Variants in NFE2L3 observed in about 807,000 individuals in gnomAD.
The protein encoded by NFE2L3 is nuclear factor erythroid 2-related factor 3.
In NFE2L3, 18 loss-of-function variants were observed where a neutral mutation model predicts 23.5. The observed-to-expected ratio is 0.77, with a 90% CI of 0.53 to 1.13. The LOEUF is 1.13. NFE2L3 is among the 50% of genes most tolerant of loss of function. NFE2L3 has a pLI of 0.00. For synonymous variants in NFE2L3, 424 were observed against 354.5 expected, an observed-to-expected ratio of 1.20 and a Z score of -2.20; for missense variants, 1,152 against 877.2, an observed-to-expected ratio of 1.31 and a Z score of -3.96.
At chr7:26,181,515 T>C (rs1383807373) in intron 2 of NFE2L3, among the ~76,000 whole-genome samples, 26 of 152,028 alleles carry the variant, frequency 1.7e-4, no homozygotes, top group Admixed American at 1.7e-3. Context: ...AGATATAAGA[T>C]CTGAATGCAC....
rs773472603 is a variant in NFE2L3 at position 26,185,815 on chromosome 7, A to G, written c.*32A>G. On this transcript the variant is annotated 3_prime_UTR_variant, in exon 4 of 4. Coordinates refer to ENST00000056233, the MANE Select transcript of NFE2L3 (RefSeq NM_004289.7). ...ACTGAAGATGGACTCTATTATGTGA[A>G]GTAGTAATGTTCAGAAACTGATTAT... 8 of 1,525,946 alleles carry G rather than the reference A, an allele frequency of 5.2e-6. No individual in the cohort carries two copies. The Admixed American group carries it at 1.8e-4, about 35-fold the overall frequency. The allele number at this position is 1,525,946 out of a possible 1,614,324, so 94.5% of individuals were successfully genotyped here. A position where few individuals can be genotyped will look rare whatever the true frequency, so the allele number is the denominator to read the frequency against.
chr7:26,182,586 C>G (rs1453170450), intron 2 of NFE2L3, among the ~76,000 whole-genome samples: 1 of 145,240 alleles, frequency 6.9e-6, no homozygotes, highest in East Asian at 1.9e-4. Context: ...TGAGATCTCA[C>G]CAGTGCTCTC....
At chr7:26,178,470 G>T (rs1784453544) in intron 2 of NFE2L3, among the ~76,000 whole-genome samples, 1 of 152,192 alleles carries the variant, frequency 6.6e-6, no homozygotes, top group Non-Finnish European at 1.5e-5. Context: ...CAGGTAGCCA[G>T]GCTGGCCTAG....
intron 1 of NFE2L3, among the ~76,000 whole-genome samples, chr7:26,154,356 C>T (rs1784049929): frequency 6.6e-6 from 1 of 152,188 alleles, no homozygotes; most frequent in African/African-American, 2.4e-5. Flanking sequence ...ACCACCATTC[C>T]TGGTTCTGTA....
intron 1 of NFE2L3, among the ~76,000 whole-genome samples, chr7:26,155,319 G>A (rs565948292): frequency 3.9e-5 from 6 of 152,242 alleles, no homozygotes; most frequent in South Asian, 2.1e-4. Context: ...ACACATGCCC[G>A]TAGTCCCAGC....
intron 2 of NFE2L3, among the ~76,000 whole-genome samples, chr7:26,182,534 G>C (rs1053232904): frequency 2.6e-5 from 4 of 152,172 alleles, no homozygotes; most frequent in Non-Finnish European, 5.9e-5. Flanking sequence ...TGACACACAA[G>C]AATCAATCAC....
intron 1 of NFE2L3, among the ~76,000 whole-genome samples, chr7:26,175,336 G>A (rs1654211436): frequency 6.6e-6 from 1 of 152,094 alleles, no homozygotes; most frequent in Non-Finnish European, 1.5e-5. Flanking sequence ...CTCCACCCTG[G>A]GCGACAGAGT....
chr7:26,183,926 C>G, intron 3 of NFE2L3, 142 bp downstream of exon 3: 2 of 622,218 alleles, frequency 3.2e-6, no homozygotes, highest in South Asian at 4.0e-5. Flanking sequence ...TTAGAATTAA[C>G]CAAATATGTA....
intron 2 of NFE2L3, among the ~76,000 whole-genome samples, chr7:26,180,831 C>G (rs375206593): frequency 6.6e-6 from 1 of 152,146 alleles, no homozygotes; most frequent in African/African-American, 2.4e-5. Flanking sequence ...TCAATTTGGA[C>G]AAAACTTTTC....
intron 1 of NFE2L3, among the ~76,000 whole-genome samples, chr7:26,164,572 A>G (rs1381244881): frequency 1.3e-5 from 2 of 152,096 alleles, no homozygotes; most frequent in Non-Finnish European, 2.9e-5. Context: ...TTGTCAGATG[A>G]GTAGATTGCA....
chr7:26,163,860 T>C (rs937485020), intron 1 of NFE2L3, among the ~76,000 whole-genome samples: 1 of 151,328 alleles, frequency 6.6e-6, no homozygotes, highest in East Asian at 2.0e-4. Context: ...CCTGTGTCCA[T>C]GTGTTCTCAT....
intron 3 of NFE2L3, chr7:26,184,016 A>G (rs1366016767): frequency 2.7e-5 from 14 of 512,026 alleles, no homozygotes; most frequent in Non-Finnish European, 4.5e-5. Flanking sequence ...AGATTTCTCA[A>G]AAAACTAAAA....
intron 1 of NFE2L3, among the ~76,000 whole-genome samples, chr7:26,177,088 G>A (rs565117268): frequency 0.024 from 2,300 of 93,928 alleles, 95 homozygotes; most frequent in African/African-American, 0.071. Context: ...GGTGGCAGCC[G>A]GGCAGAGGCG....
At position 26,185,319 on chromosome 7, in the gene NFE2L3, C is replaced by A. The variant is rs535437302; in HGVS notation, c.1621C>A (p.Arg541Ser). 6.2e-7 allele frequency: 1 copy of A among 1,614,078 alleles called. No individual in the cohort carries two copies. Among genetic ancestry groups the A allele is most frequent in the Admixed American group, 1.7e-5 (1 of 60,022 alleles). The change falls in exon 4 of 4, where the codon CGT (arginine) becomes AGT (serine). Residue 541 changes from arginine (R) to serine (S), a missense_variant. Arg to Ser is a moderately radical substitution (Grantham distance 110). Coordinates refer to ENST00000056233, the MANE Select transcript of NFE2L3 (RefSeq NM_004289.7). ...TAGAAACTTGAGCCGTGATGAACAG[C>A]GTGCTAAAGCTTTGCATATCCCTTT... The part of the protein sequence containing the change: ...TDRNLSRDEQ[R>S]AKALHIPFSV...
In NFE2L3 at chr7:26,183,769, T is replaced by G; in HGVS notation, c.819T>G (p.Pro273=). ...TATTCCAGTTGCTTTCATCACAGCC[T>G]GAAAATTCACTGGAGGTAATTGGAA... The part of the protein sequence containing the change: ...EDLFQLLSSQ[P]ENSLEGISLG... The change falls in exon 3 of 4, where the codon CCT becomes CCG. Residue 273 remains proline (P), a synonymous_variant. Coordinates refer to ENST00000056233, the MANE Select transcript of NFE2L3 (RefSeq NM_004289.7). The G allele has an allele frequency of 1.2e-6, 2 of 1,612,072 alleles. No homozygotes were observed. Among genetic ancestry groups the G allele is most frequent in the South Asian group, 1.1e-5 (1 of 91,040 alleles).
At chr7:26,178,608 G>A (rs1784455950) in intron 2 of NFE2L3, among the ~76,000 whole-genome samples, 1 of 152,166 alleles carries the variant, frequency 6.6e-6, no homozygotes, top group Admixed American at 6.5e-5. Context: ...ATGGTCCAGT[G>A]GGACCACCTC....
chr7:26,183,742 CTT>C lies in NFE2L3; in HGVS notation c.793_794del (p.Leu265IlefsTer9), dbSNP rs1782395801. 1.9e-6 allele frequency: 3 copies of C among 1,612,754 alleles called. No homozygotes were observed. The highest frequency in any genetic ancestry group is 2.7e-5 in the African/African-American group (2 of 74,908). ...GTDTSFSLED[L>X]FQLLSSQPEN... The stretch of plus-strand genomic sequence containing the variant: ...CAGATACTTCTTTCTCTCTGGAAGA[CTT>C]ATTCCAGTTGCTTTCATCACAGCCT... On this transcript the variant is annotated frameshift_variant, in exon 3 of 4. Coordinates refer to ENST00000056233, the MANE Select transcript of NFE2L3 (RefSeq NM_004289.7). LOFTEE classifies it low-confidence loss of function (END_TRUNC).
chr7:26,156,134 TTTCTGTGCTTCA>T (rs1384549671), intron 1 of NFE2L3, among the ~76,000 whole-genome samples: 1 of 152,210 alleles, frequency 6.6e-6, no homozygotes, highest in Non-Finnish European at 1.5e-5. Context: ...TTGCTTATCC[TTTCTGTGCTTCA>T]TTCTGTGTGC....
intron 1 of NFE2L3, among the ~76,000 whole-genome samples, chr7:26,168,520 A>T (rs1038601695): frequency 2.9e-4 from 42 of 146,194 alleles, no homozygotes; most frequent in African/African-American, 1.0e-3. Flanking sequence ...TTATATGATT[A>T]TATGCATATA....
Sources: allele counts gnomAD v4.1 joint callset (sites outside exome capture counted in the v4.1 genomes callset), GRCh38; gene constraint gnomAD v4.1.1; transcripts MANE v1.5; gene names NCBI Gene and HGNC (gene_info 2026-07-23, HGNC 2026-07-21).